The following AGBL4 variants were observed in gnomAD, a reference collection of about 807,000 sequenced individuals.
AGBL4 encodes the protein AGBL carboxypeptidase 4.
In AGBL4, 58 loss-of-function variants were observed where a neutral mutation model predicts 66.4. The observed-to-expected ratio is 0.87, with a 90% CI of 0.71 to 1.09. The LOEUF is 1.09. Among genes scored for constraint, AGBL4 ranks in the 50% least tolerant of loss-of-function variants. The pLI is 0.00. For missense variants in AGBL4, 579 were observed against 631.0 expected (o/e 0.92, Z 0.88); for synonymous variants, 234 against 222.9 (o/e 1.05, Z -0.44).
intron 3 of AGBL4, among the ~76,000 whole-genome samples, chr1:49,432,052 C>T (rs1276540688): frequency 6.6e-6 from 1 of 151,994 alleles, no homozygotes; most frequent in Non-Finnish European, 1.5e-5. Context: ...TTTATATGAC[C>T]CATTTAGGAT....
At chr1:48,802,902 T>G (rs1227761282) in intron 6 of AGBL4, among the ~76,000 whole-genome samples, 1 of 152,214 alleles carries the variant, frequency 6.6e-6, no homozygotes, top group East Asian at 1.9e-4. Flanking sequence ...ATTTCCACCA[T>G]AGACCTCTGG....
intron 1 of AGBL4, among the ~76,000 whole-genome samples, chr1:49,926,121 G>T (rs758931562): frequency 1.4e-4 from 21 of 152,204 alleles, no homozygotes; most frequent in Non-Finnish European, 2.9e-4. Context: ...AGTCCCAAAG[G>T]TGCTGGCCAC....
chr1:50,015,758 T>G (rs1661932696), intron 1 of AGBL4, among the ~76,000 whole-genome samples: 1 of 151,988 alleles, frequency 6.6e-6, no homozygotes, highest in Admixed American at 6.6e-5. Flanking sequence ...ACTACAACAC[T>G]ACAGTAACTA....
At chr1:48,766,924 T>C (rs1184340486) in intron 6 of AGBL4, among the ~76,000 whole-genome samples, 2 of 152,192 alleles carry the variant, frequency 1.3e-5, no homozygotes, top group Non-Finnish European at 2.9e-5. Flanking sequence ...ACCCAGTATA[T>C]GATAAGAACC....
At chr1:49,940,779 C>T (rs1654672680) in intron 1 of AGBL4, among the ~76,000 whole-genome samples, 1 of 151,816 alleles carries the variant, frequency 6.6e-6, no homozygotes, top group Non-Finnish European at 1.5e-5. Flanking sequence ...TGCAGCACAC[C>T]AGCATGGCAC....
At chr1:49,123,463 T>C (rs1439640423) in intron 4 of AGBL4, among the ~76,000 whole-genome samples, 2 of 152,168 alleles carry the variant, frequency 1.3e-5, no homozygotes, top group South Asian at 2.1e-4. Flanking sequence ...TTCATACACA[T>C]TTTGAGATAT....
At chr1:48,847,399 C>A (rs959204157) in intron 6 of AGBL4, among the ~76,000 whole-genome samples, 249 of 125,798 alleles carry the variant, frequency 2.0e-3, no homozygotes, top group Middle Eastern at 4.0e-3. Context: ...AGAAATGAGG[C>A]AAAAAAAAAA....
At chr1:49,049,338 C>A (rs1644155227) in intron 4 of AGBL4, among the ~76,000 whole-genome samples, 1 of 152,104 alleles carries the variant, frequency 6.6e-6, no homozygotes, top group Non-Finnish European at 1.5e-5. Flanking sequence ...TACCCTTTAA[C>A]ACAGCTCTTC....
intron 4 of AGBL4, among the ~76,000 whole-genome samples, chr1:49,085,229 C>T (rs139379965): frequency 2.0e-5 from 3 of 151,948 alleles, no homozygotes; most frequent in Middle Eastern, 3.4e-3. Flanking sequence ...ATTGACATTC[C>T]TGGTTCTTAG....
intron 1 of AGBL4, among the ~76,000 whole-genome samples, chr1:49,933,186 A>G (rs772994995): frequency 4.6e-5 from 7 of 152,204 alleles, no homozygotes; most frequent in Non-Finnish European, 8.8e-5. Flanking sequence ...AAAAACAAAT[A>G]GTAATGTACA....
intron 9 of AGBL4, among the ~76,000 whole-genome samples, chr1:48,603,302 T>C (rs796689936): frequency 2.6e-5 from 4 of 152,128 alleles, no homozygotes; most frequent in African/African-American, 9.6e-5. Context: ...AAACCCTGGC[T>C]CTACTAAAAA....
rs200402318 is a variant in AGBL4 at position 49,113,950 on chromosome 1, CAG to C, written c.378-68152_378-68151del. On this transcript the variant is annotated intron_variant, in intron 4 of 13. Coordinates refer to ENST00000371839, the MANE Select transcript of AGBL4 (RefSeq NM_032785.4). ...AGTGGTTGCATTTCTGGAGCACAAA[CAG>C]AGGATATTTTTTATAATTCTTGGGA... Among the ~76,000 whole-genome samples the C allele has an allele frequency of 4.3e-3, 653 of 152,260 alleles. 5 individuals carry two copies. Among genetic ancestry groups the C allele is most frequent in the Admixed American group, 0.014 (208 of 15,296 alleles).
intron 1 of AGBL4, among the ~76,000 whole-genome samples, chr1:49,918,459 T>G (rs926634405): frequency 3.9e-5 from 6 of 152,066 alleles, no homozygotes; most frequent in African/African-American, 1.4e-4. Context: ...TATAAACACC[T>G]CTACGCAAAT....
At chr1:49,937,330 A>T (rs1654180461) in intron 1 of AGBL4, among the ~76,000 whole-genome samples, 1 of 152,140 alleles carries the variant, frequency 6.6e-6, no homozygotes, top group Non-Finnish European at 1.5e-5. Context: ...GAGCACCCAG[A>T]TTCATAAAGC....
intron 4 of AGBL4, among the ~76,000 whole-genome samples, chr1:49,056,950 C>T (rs952868529): frequency 6.6e-6 from 1 of 152,082 alleles, no homozygotes; most frequent in African/African-American, 2.4e-5. Context: ...CTCTAAAAGA[C>T]TTTAAATTTA....
chr1:49,576,677 T>C (rs976298382), intron 3 of AGBL4, among the ~76,000 whole-genome samples: 1 of 152,160 alleles, frequency 6.6e-6, no homozygotes, highest in Non-Finnish European at 1.5e-5. Context: ...ATATATGTGA[T>C]TGGGCTCAAG....
At chr1:48,782,638 G>A (rs1237536812) in intron 6 of AGBL4, among the ~76,000 whole-genome samples, 1 of 152,092 alleles carries the variant, frequency 6.6e-6, no homozygotes, top group Non-Finnish European at 1.5e-5. Flanking sequence ...TAGGTTCATA[G>A]TAAAATTAAG....
At chr1:49,660,842 A>C (rs1327786338) in intron 3 of AGBL4, among the ~76,000 whole-genome samples, 3 of 152,144 alleles carry the variant, frequency 2.0e-5, no homozygotes, top group Non-Finnish European at 4.4e-5. Context: ...TCAGCAAACT[A>C]ACACAGGAAC....
At chr1:49,054,217 G>A (rs1401557420) in intron 4 of AGBL4, among the ~76,000 whole-genome samples, 3 of 151,988 alleles carry the variant, frequency 2.0e-5, no homozygotes, top group African/African-American at 7.2e-5. Flanking sequence ...ACTAAAACCA[G>A]CAGTTTTATA....
Sources: allele counts gnomAD v4.1 joint callset (sites outside exome capture counted in the v4.1 genomes callset), GRCh38; gene constraint gnomAD v4.1.1; transcripts MANE v1.5; gene names NCBI Gene and HGNC (gene_info 2026-07-23, HGNC 2026-07-21).